The following SSTR2 variants were observed in gnomAD, a reference collection of about 807,000 sequenced individuals.
SSTR2 encodes the protein somatostatin receptor type 2.
A neutral mutation model predicts 21.4 loss-of-function variants in SSTR2; 10 were observed. The ratio of observed to expected loss-of-function variants is 0.47; its 90% CI spans 0.29 to 0.79. The LOEUF (loss-of-function observed/expected upper bound fraction) is 0.79. SSTR2 is among the 30% of genes least tolerant of loss of function. SSTR2 has a pLI of 0.10. For missense variants in SSTR2, 364 were observed against 468.8 expected, an observed-to-expected ratio of 0.78 and a Z score of 2.06; for synonymous variants, 177 against 181.3, an observed-to-expected ratio of 0.98 and a Z score of 0.19.
In SSTR2 at chr17:73,170,967, C is replaced by T. The variant is rs1050443170; in HGVS notation, c.*538C>T. 11 of 335,098 alleles carry T rather than the reference C, an allele frequency of 3.3e-5. No homozygotes were observed. The highest frequency in any genetic ancestry group is 1.9e-4 in the South Asian group (7 of 36,362). 20.8% of individuals were successfully genotyped at this position (335,098 alleles called of 1,614,324 possible). On this transcript the variant is annotated 3_prime_UTR_variant, in exon 2 of 2. Coordinates refer to ENST00000357585, the MANE Select transcript of SSTR2 (RefSeq NM_001050.3). The stretch of plus-strand genomic sequence containing the variant: ...TCAAGCTTCAGGGATCTCTCTTGCA[C>T]GGGCCTTGCCAAGGCCCAGGAGGGA...
At position 73,174,568 on chromosome 17, in the gene SSTR2, A is replaced by C. The variant is rs995503138; in HGVS notation, c.*4139A>C. ...TGGTGAGACCCTGCCCTTAAAAAAAAAAAAGAAAAGAAAAGAAAAGAAAAA... is the reference window on the plus strand; with the variant it reads ...TGGTGAGACCCTGCCCTTAAAAAAACAAAAGAAAAGAAAAGAAAAGAAAAA... On this transcript the variant is annotated 3_prime_UTR_variant, in exon 2 of 2. Coordinates refer to ENST00000357585, the MANE Select transcript of SSTR2 (RefSeq NM_001050.3). 2.0e-5 allele frequency: 3 copies of C among 152,054 alleles called. No individual in the cohort carries two copies. The highest frequency in any genetic ancestry group is 7.3e-5 in the African/African-American group (3 of 41,348). The allele number at this position is 152,054 out of a possible 1,614,324, so 9.4% of individuals were successfully genotyped here.
At position 73,170,393 on chromosome 17, in the gene SSTR2, G is replaced by A; in HGVS notation, c.1074G>A (p.Arg358=). The A allele has an allele frequency of 1.2e-6, 2 of 1,613,800 alleles. No individual in the cohort carries two copies. Among genetic ancestry groups the A allele is most frequent in the East Asian group, 4.5e-5 (2 of 44,866 alleles). The change falls in exon 2 of 2, where the codon AGG becomes AGA. Residue 358 remains arginine, a synonymous_variant. Coordinates refer to ENST00000357585, the MANE Select transcript of SSTR2 (RefSeq NM_001050.3). ...TGAATGAGACCACGGAGACCCAGAG[G>A]ACCCTCCTCAATGGAGACCTCCAAA... ...SRLNETTETQ[R]TLLNGDLQTS... is the part of the protein sequence containing the mutation.
intron 1 of SSTR2, among the ~76,000 whole-genome samples, chr17:73,167,491 C>G (rs1272925102): frequency 6.6e-6 from 1 of 152,180 alleles, no homozygotes; most frequent in African/African-American, 2.4e-5. Context: ...CACCCAGGCA[C>G]CAGGAAAAGG....
At chr17:73,166,130 G>A (rs1568285054) in intron 1 of SSTR2, among the ~76,000 whole-genome samples, 1 of 152,318 alleles carries the variant, frequency 6.6e-6, no homozygotes, top group East Asian at 1.9e-4. Flanking sequence ...AACCGGCTCC[G>A]CGGTCCTGAC....
At chr17:73,165,639 C>G (rs1433070105) in intron 1 of SSTR2, among the ~76,000 whole-genome samples, 3 of 151,676 alleles carry the variant, frequency 2.0e-5, no homozygotes, top group Admixed American at 6.6e-5. Context: ...CTCCCAGCCC[C>G]CTACAAAAGA....
chr17:73,166,203 C>G (rs1231362678), intron 1 of SSTR2, among the ~76,000 whole-genome samples: 1 of 152,250 alleles, frequency 6.6e-6, no homozygotes, highest in Non-Finnish European at 1.5e-5. Context: ...CAGGCGCTCA[C>G]GCGCCGCGGT....
rs765149637 is a variant in SSTR2, at chr17:73,170,478, A to G, written c.*49A>G. 1.3e-6 allele frequency: 2 copies of G among 1,590,822 alleles called. No individual in the cohort carries two copies. The highest frequency in any genetic ancestry group is 8.6e-7 in the Non-Finnish European group (1 of 1,167,490). On this transcript the variant is annotated 3_prime_UTR_variant, in exon 2 of 2. Transcript: ENST00000357585. ...CCAAGCCATGCTCTGTCTACTGGCAATGGGCTCCCTACCCACACTGGCTTC... is the reference window on the plus strand; with the variant it reads ...CCAAGCCATGCTCTGTCTACTGGCAGTGGGCTCCCTACCCACACTGGCTTC...
chr17:73,165,545 G>A (rs999635700), intron 1 of SSTR2, among the ~76,000 whole-genome samples: 1 of 152,096 alleles, frequency 6.6e-6, no homozygotes, highest in African/African-American at 2.4e-5. Context: ...TGGAACGGAC[G>A]TGTCCTCGCA....
In SSTR2 at chr17:73,176,532, A is replaced by T. The variant is rs1420147328; in HGVS notation, c.*6103A>T. Reference sequence around the variant, plus strand: ...ACTTCTCCTTGCTGCCATGCGAAGAAGGATGTGTTTGCTTCCCCTTCTGCC... The same window carrying T: ...ACTTCTCCTTGCTGCCATGCGAAGATGGATGTGTTTGCTTCCCCTTCTGCC... On this transcript the variant is annotated 3_prime_UTR_variant, in exon 2 of 2. Transcript: ENST00000357585. 1 of 152,174 alleles carries T rather than the reference A, an allele frequency of 6.6e-6. No homozygotes were observed. Among genetic ancestry groups the T allele is most frequent in the Non-Finnish European group, 1.5e-5 (1 of 68,066 alleles). 9.4% of individuals were successfully genotyped at this position (152,174 alleles called of 1,614,324 possible). A position where few individuals can be genotyped will look rare whatever the true frequency, so the allele number is the denominator to read the frequency against.
At position 73,173,279 on chromosome 17, in the gene SSTR2, G is replaced by C. The variant is rs941955032; in HGVS notation, c.*2850G>C. On this transcript the variant is annotated 3_prime_UTR_variant, in exon 2 of 2. Coordinates refer to ENST00000357585, the MANE Select transcript of SSTR2 (RefSeq NM_001050.3). ...AGAGAAACTGCCTGTAGGGAGGCCA[G>C]AGTCCAAAGCAGCCACCTGTAACCT... is the stretch of plus-strand genomic sequence containing the variant. 5 of 152,052 alleles carry C rather than the reference G, an allele frequency of 3.3e-5. No individual in the cohort carries two copies. The highest frequency in any genetic ancestry group is 1.9e-4 in the East Asian group (1 of 5,176). The allele number at this position is 152,052 out of a possible 1,614,324, so 9.4% of individuals were successfully genotyped here. A position where few individuals can be genotyped will look rare whatever the true frequency, so the allele number is the denominator to read the frequency against.
rs1427389788 is a variant in SSTR2, at chr17:73,169,175, G to C, written c.-92-53G>C. 2 of 942,344 alleles carry C rather than the reference G, an allele frequency of 2.1e-6. No individual in the cohort carries two copies. The highest frequency in any genetic ancestry group is 5.8e-5 in the Admixed American group (2 of 34,316). The allele number at this position is 942,344 out of a possible 1,614,324, so 58.4% of individuals were successfully genotyped here. ...TAAACCAGAAATGTGTAAATTTGGT[G>C]AGACTTTAAACAGCCTGTGACCGAC... On this transcript the variant is annotated intron_variant, in intron 1 of 1. Coordinates refer to ENST00000357585, the MANE Select transcript of SSTR2 (RefSeq NM_001050.3). The surrounding 1 kb of genome is among the most constrained non-coding windows in gnomAD (Gnocchi z 5.2).
intron 1 of SSTR2, among the ~76,000 whole-genome samples, chr17:73,167,531 G>A (rs2061220219): frequency 6.6e-6 from 1 of 152,214 alleles, no homozygotes; most frequent in Non-Finnish European, 1.5e-5. Flanking sequence ...TGTCAGCCAA[G>A]TGAATTAGTC....
At chr17:73,165,753 G>A (rs1279844606) in intron 1 of SSTR2, among the ~76,000 whole-genome samples, 6 of 151,536 alleles carry the variant, frequency 4.0e-5, no homozygotes, top group Non-Finnish European at 7.4e-5. Context: ...GGCGCAGAGC[G>A]GAGAAAGAGG....
At position 73,173,714 on chromosome 17, in the gene SSTR2, T is replaced by TA. The variant is rs1278909085; in HGVS notation, c.*3288dup. 6.6e-6 allele frequency: 1 copy of TA among 152,234 alleles called. No individual in the cohort carries two copies. Among genetic ancestry groups the TA allele is most frequent in the Non-Finnish European group, 1.5e-5 (1 of 68,028 alleles). The allele number at this position is 152,234 out of a possible 1,614,324, so 9.4% of individuals were successfully genotyped here. A position where few individuals can be genotyped will look rare whatever the true frequency, so the allele number is the denominator to read the frequency against. ...TTAGCATGGGTAGTTAAGTGCTGATTAAACCTAAGTGGACTCAGTGAAAAA... is the reference window on the plus strand; with the variant it reads ...TTAGCATGGGTAGTTAAGTGCTGATTAAAACCTAAGTGGACTCAGTGAAAAA... On this transcript the variant is annotated 3_prime_UTR_variant, in exon 2 of 2. Coordinates refer to ENST00000357585, the MANE Select transcript of SSTR2 (RefSeq NM_001050.3).
chr17:73,172,021 T>C lies in SSTR2; in HGVS notation c.*1592T>C, dbSNP rs1265333618. The C allele has an allele frequency of 2.1e-5, 3 of 144,940 alleles. No individual in the cohort carries two copies. The highest frequency in any genetic ancestry group is 7.7e-5 in the African/African-American group (3 of 38,962). 9.0% of individuals were successfully genotyped at this position (144,940 alleles called of 1,614,324 possible). The stretch of plus-strand genomic sequence containing the variant: ...TTCACAAAACAAAAGCACCCTCACC[T>C]GCCAATGAATATGCAGCGTGCAGGG... On this transcript the variant is annotated 3_prime_UTR_variant, in exon 2 of 2. Coordinates refer to ENST00000357585, the MANE Select transcript of SSTR2 (RefSeq NM_001050.3).
At chr17:73,165,340 A>ATGTG in intron 1 of SSTR2, 52 bp downstream of exon 1, 1 of 128,914 alleles carries the variant, frequency 7.8e-6, no homozygotes, top group African/African-American at 3.7e-5. Context: ...GTGTGTGATA[A>ATGTG]GAGAGATGGA....
At chr17:73,167,137 G>C (rs1305202058) in intron 1 of SSTR2, among the ~76,000 whole-genome samples, 3 of 152,246 alleles carry the variant, frequency 2.0e-5, no homozygotes, top group Non-Finnish European at 4.4e-5. Flanking sequence ...CAGATGGTTA[G>C]AAGTGATAAC....
chr17:73,169,176 A>G lies in SSTR2; in HGVS notation c.-92-52A>G, dbSNP rs2061225478. On this transcript the variant is annotated intron_variant, in intron 1 of 1. Transcript: ENST00000357585. The surrounding 1 kb of genome is among the most constrained non-coding windows in gnomAD (Gnocchi z 5.2). ...AAACCAGAAATGTGTAAATTTGGTG[A>G]GACTTTAAACAGCCTGTGACCGACG... 2 of 945,162 alleles carry G rather than the reference A, an allele frequency of 2.1e-6. No individual in the cohort carries two copies. The highest frequency in any genetic ancestry group is 5.8e-5 in the Admixed American group (2 of 34,316). 58.5% of individuals were successfully genotyped at this position (945,162 alleles called of 1,614,324 possible). A position where few individuals can be genotyped will look rare whatever the true frequency, so the allele number is the denominator to read the frequency against.
In SSTR2 at chr17:73,171,524, T is replaced by G. The variant is rs1352368017; in HGVS notation, c.*1095T>G. The G allele has an allele frequency of 6.0e-6, 1 of 166,898 alleles. No individual in the cohort carries two copies. The highest frequency in any genetic ancestry group is 1.9e-4 in the East Asian group (1 of 5,196). 10.3% of individuals were successfully genotyped at this position (166,898 alleles called of 1,614,324 possible). A position where few individuals can be genotyped will look rare whatever the true frequency, so the allele number is the denominator to read the frequency against. On this transcript the variant is annotated 3_prime_UTR_variant, in exon 2 of 2. Transcript: ENST00000357585. The stretch of plus-strand genomic sequence containing the variant: ...GAAACCATAAAATTGTTTTTATTTT[T>G]CAGGCCAGACATAGCTTCCTAATGA...
Sources: gnomAD v4.1 joint callset for allele counts (sites outside exome capture counted in the v4.1 genomes callset) on GRCh38, gnomAD v4.1.1 for gene constraint, Gnocchi (gnomAD v3.1) non-coding constraint, MANE v1.5 for transcripts, NCBI Gene and HGNC (gene_info 2026-07-23, HGNC 2026-07-21) for gene names.